Variants in FGFR4 observed in about 807,000 individuals in gnomAD.
FGFR4 encodes hydroxyaryl-protein kinase.
FGFR4 carries 63 observed loss-of-function variants against 89.9 expected under a neutral mutation model. That is an observed-to-expected ratio of 0.70 (90% CI 0.57 to 0.86). FGFR4 has a LOEUF of 0.86. Among genes scored for constraint, FGFR4 ranks in the 40% least tolerant of loss-of-function variants. FGFR4 has a pLI of 0.00. For missense variants in FGFR4, 928 were observed against 1,106.7 expected, an observed-to-expected ratio of 0.84 and a Z score of 2.29; for synonymous variants, 486 against 479.4, an observed-to-expected ratio of 1.01 and a Z score of -0.18.
rs1167356362 is a variant in FGFR4, at chr5:177,089,556, A to G, written c.-47A>G. The G allele has an allele frequency of 6.3e-7, 1 of 1,583,306 alleles. No individual in the cohort carries two copies. Among genetic ancestry groups the G allele is most frequent in the South Asian group, 1.1e-5 (1 of 88,736 alleles). ...TTTTCCCTCCCTATTTTAGGAAGGC[A>G]GTTGGTGGGAAGTCCAGCTTGGGTC... On this transcript the variant is annotated 5_prime_UTR_variant, in exon 2 of 18. Transcript: ENST00000292408.
In FGFR4 at chr5:177,097,715, C is replaced by T. The variant is rs1193147266; in HGVS notation, c.*39C>T. 2.5e-6 allele frequency: 4 copies of T among 1,597,008 alleles called. No individual in the cohort carries two copies. The highest frequency in any genetic ancestry group is 2.7e-5 in the African/African-American group (2 of 74,628). On this transcript the variant is annotated 3_prime_UTR_variant, in exon 18 of 18. Coordinates refer to ENST00000292408, the MANE Select transcript of FGFR4 (RefSeq NM_213647.3). ...CTGTGCAGGCACATAGGCTGGTGGC[C>T]TTGGGCCTTGGGGCTCAGCCACAGC...
rs751686488 is a variant in FGFR4, at chr5:177,095,362, G to A, written c.1552G>A (p.Val518Ile). The A allele has an allele frequency of 3.1e-6, 5 of 1,614,186 alleles. No individual in the cohort carries two copies. The highest frequency in any genetic ancestry group is 4.2e-6 in the Non-Finnish European group (5 of 1,180,026). The change falls in exon 12 of 18, where the codon GTC becomes ATC. Residue 518 changes from valine (V) to isoleucine (I), a missense_variant. Val to Ile is a conservative substitution (Grantham distance 29, BLOSUM62 3). Around this residue, in one of 5 missense-constraint regions of FGFR4, gnomAD observed 741 missense variants for 836.9 expected, o/e 0.89. Coordinates refer to ENST00000292408, the MANE Select transcript of FGFR4 (RefSeq NM_213647.3). The surrounding 1 kb of genome is among the most constrained non-coding windows in gnomAD (Gnocchi z 5.7). ...CTCTGACAAGGACCTGGCCGACCTG[G>A]TCTCGGAGATGGAGGTGATGAAGCT... ...NASDKDLADL[V>I]SEMEVMKLIG...
At position 177,087,569 on chromosome 5, in the gene FGFR4, G is replaced by A. The variant is rs1326716544; in HGVS notation, c.-54+492G>A. 1.0e-6 allele frequency: 1 copy of A among 985,468 alleles called. No homozygotes were observed. The allele number at this position is 985,468 out of a possible 1,614,324, so 61.0% of individuals were successfully genotyped here. On this transcript the variant is annotated intron_variant, in intron 1 of 17. Coordinates refer to ENST00000292408, the MANE Select transcript of FGFR4 (RefSeq NM_213647.3). The surrounding 1 kb of genome is among the most constrained non-coding windows in gnomAD (Gnocchi z 6.1). ...CAGGCCCTCCATTCCCACGTGGGGG[G>A]TGGTCGGTCAGCGGTCAGCAGCCAT...
chr5:177,096,680 C>T lies in FGFR4; in HGVS notation c.2092C>T (p.Leu698=), dbSNP rs745342988. 5.6e-6 allele frequency: 9 copies of T among 1,609,264 alleles called. No homozygotes were observed. Among genetic ancestry groups the T allele is most frequent in the Admixed American group, 3.4e-5 (2 of 59,504 alleles). Residue 698 remains leucine, a synonymous_variant, in exon 16 of 18, where the codon CTG becomes TTG. Transcript: ENST00000292408. ...SPYPGIPVEE[L]FSLLREGHRM... ...GTATCCTGGCATCCCGGTGGAGGAG[C>T]TGTTCTCGCTGCTGCGGGAGGGACA...
intron 17 of FGFR4, 33 bp downstream of exon 17, chr5:177,097,430 C>A: frequency 6.2e-7 from 1 of 1,605,116 alleles, no homozygotes. Flanking sequence ...CCTCCCTCTG[C>A]CTGCTCCCCT....
intron 5 of FGFR4, 60 bp from the exon 6 acceptor site, chr5:177,091,625 G>T (rs1271687130): frequency 1.2e-5 from 19 of 1,600,156 alleles, no homozygotes; most frequent in Non-Finnish European, 1.6e-5. Flanking sequence ...TAGCCTCCTG[G>T]TCCTCTGGCC....
Position 177,087,810 on chromosome 5 carries a change from C to A in FGFR4, c.-54+733C>A, listed in dbSNP as rs1450392069. On this transcript the variant is annotated intron_variant, in intron 1 of 17. Transcript: ENST00000292408. The surrounding 1 kb of genome is among the most constrained non-coding windows in gnomAD (Gnocchi z 6.1). ...AGTATCTGAGTCAGGTAGAGAAGAG[C>A]AATGAGGGGCACAGAGGGATGGGCA... 6.6e-6 allele frequency among the ~76,000 whole-genome samples: 1 copy of A among 152,072 alleles called. No individual in the cohort carries two copies. The highest frequency in any genetic ancestry group is 6.6e-5 in the Admixed American group (1 of 15,266).
rs368054584 is a variant in FGFR4 at position 177,095,317 on chromosome 5, G to A, written c.1520-13G>A. 113 of 1,612,038 alleles carry A rather than the reference G, an allele frequency of 7.0e-5. No homozygotes were observed. Among genetic ancestry groups the A allele is most frequent in the Non-Finnish European group, 8.9e-5 (105 of 1,178,232 alleles). ...GGAGGGCAGCCTCTTCACCCCGTCT[G>A]CTGCCCTTACAGACAACGCCTCTGA... On this transcript the variant is annotated splice_polypyrimidine_tract_variant and intron_variant, in intron 11 of 17. Transcript: ENST00000292408. The surrounding 1 kb of genome is among the most constrained non-coding windows in gnomAD (Gnocchi z 5.7).
In FGFR4 at chr5:177,093,672, C is replaced by G. The variant is rs1784451479; in HGVS notation, c.1416C>G (p.Pro472=). ...TCTCCAGGCTGGTGCTTGGGAAGCC[C>G]CTAGGCGAGGGCTGCTTTGGCCAGG... is the stretch of plus-strand genomic sequence containing the variant. ...FPRDRLVLGK[P]LGEGCFGQVV... The change falls in exon 11 of 18, where the codon CCC becomes CCG. Residue 472 remains proline (P), a synonymous_variant. Coordinates refer to ENST00000292408, the MANE Select transcript of FGFR4 (RefSeq NM_213647.3). The surrounding 1 kb of genome is among the most constrained non-coding windows in gnomAD (Gnocchi z 5.8). The G allele has an allele frequency of 2.5e-6, 4 of 1,614,088 alleles. No homozygotes were observed. Among genetic ancestry groups the G allele is most frequent in the Middle Eastern group, 1.6e-4 (1 of 6,084 alleles).
rs1475493430 is a variant in FGFR4, at chr5:177,087,880, T to A, written c.-54+803T>A. Among the ~76,000 whole-genome samples, 1 of 151,950 alleles carries A rather than the reference T, an allele frequency of 6.6e-6. No homozygotes were observed. On this transcript the variant is annotated intron_variant, in intron 1 of 17. Transcript: ENST00000292408. The surrounding 1 kb of genome is among the most constrained non-coding windows in gnomAD (Gnocchi z 6.1). The stretch of plus-strand genomic sequence containing the variant: ...TTTTGAAAGCCAATGGCTTCAGCGC[T>A]CCTGAAGGGGCAGACGGTGTGACCA...
At position 177,092,743 on chromosome 5, in the gene FGFR4, T is replaced by C. The variant is rs1381695911; in HGVS notation, c.1016T>C (p.Ile339Thr). The change falls in exon 8 of 18, where the codon ATC becomes ACC. Residue 339 changes from isoleucine to threonine, a missense_variant. This residue lies in a region of FGFR4 where 741 missense variants were observed against 836.9 expected (regional missense o/e 0.89). Transcript: ENST00000292408. Reference sequence around the variant, plus strand: ...TACACCTGCCTCGCAGGCAATTCCATCGGCCTCTCCTACCAGTCTGCCTGG... The same window carrying C: ...TACACCTGCCTCGCAGGCAATTCCACCGGCCTCTCCTACCAGTCTGCCTGG... Reference protein sequence around the residue: ...GEYTCLAGNSIGLSYQSAWLT... With the variant: ...GEYTCLAGNSTGLSYQSAWLT... 6.2e-7 allele frequency: 1 copy of C among 1,614,224 alleles called. No individual in the cohort carries two copies. The highest frequency in any genetic ancestry group is 1.7e-5 in the Admixed American group (1 of 60,034).
chr5:177,088,698 A>G (rs1487654290), intron 1 of FGFR4, among the ~76,000 whole-genome samples: 1 of 152,204 alleles, frequency 6.6e-6, no homozygotes, highest in Non-Finnish European at 1.5e-5. Context: ...GTGTGTGTAC[A>G]TCACAGCCTG....
rs2149741244 is a variant in FGFR4 at position 177,097,764 on chromosome 5, AGCATGGGGCCCCTGGC to A, written c.*89_*104del. On this transcript the variant is annotated 3_prime_UTR_variant, in exon 18 of 18. Transcript: ENST00000292408. The stretch of plus-strand genomic sequence containing the variant: ...GCCTGACACAGTGCTCGACCTTGAT[AGCATGGGGCCCCTGGC>A]CCAGAGTTGCTGTGCCGTGTCCAAG... 7 of 1,508,214 alleles carry A rather than the reference AGCATGGGGCCCCTGGC, an allele frequency of 4.6e-6. 1 individual carries two copies. In the Admixed American group the frequency reaches 1.3e-4, roughly 27 times the overall value. 93.4% of individuals were successfully genotyped at this position (1,508,214 alleles called of 1,614,324 possible). A position where few individuals can be genotyped will look rare whatever the true frequency, so the allele number is the denominator to read the frequency against.
At chr5:177,091,213 C>T (rs191438002) in intron 5 of FGFR4, 109 bp downstream of exon 5, 7 of 1,385,938 alleles carry the variant, frequency 5.1e-6, no homozygotes, top group South Asian at 3.0e-5. Context: ...GAAGCGATTG[C>T]GGGGCCCCGG....
In FGFR4 at chr5:177,089,953, C is replaced by T. The variant is rs117734148; in HGVS notation, c.91+260C>T. On this transcript the variant is annotated intron_variant, in intron 2 of 17. Transcript: ENST00000292408. ...TGCAGAGCTGGTGGTGAGCTCCTTA[C>T]CTGGGTGTGTGTGCGTGTGTGTGTG... 5.7e-4 allele frequency: 392 copies of T among 686,154 alleles called. 5 individuals are homozygous for T. In the East Asian group the frequency reaches 0.01, roughly 18 times the overall value. 42.5% of individuals were successfully genotyped at this position (686,154 alleles called of 1,614,324 possible).
chr5:177,096,131 G>T lies in FGFR4; in HGVS notation c.1896G>T (p.Gly632=). Reference sequence around the variant, plus strand: ...ATGTGATGAAGATTGCTGACTTTGGGCTGGCCCGCGGCGTCCACCACATTG... The same window carrying T: ...ATGTGATGAAGATTGCTGACTTTGGTCTGGCCCGCGGCGTCCACCACATTG... ...EDNVMKIADF[G]LARGVHHIDY... The change falls in exon 14 of 18, where the codon GGG becomes GGT. Residue 632 remains glycine (G), a synonymous_variant. Transcript: ENST00000292408. The T allele has an allele frequency of 1.2e-6, 2 of 1,614,124 alleles. No homozygotes were observed. The highest frequency in any genetic ancestry group is 1.7e-6 in the Non-Finnish European group (2 of 1,180,006).
rs1419152851 is a variant in FGFR4, at chr5:177,092,645, G to C, written c.919-1G>C. 6.2e-7 allele frequency: 1 copy of C among 1,602,626 alleles called. No individual in the cohort carries two copies. The highest frequency in any genetic ancestry group is 8.5e-7 in the Non-Finnish European group (1 of 1,171,072). ...ACCCCAGAGCATGTCCCCCACCCCAGACTGCAGACATCAATAGCTCAGAGG... is the reference window on the plus strand; with the variant it reads ...ACCCCAGAGCATGTCCCCCACCCCACACTGCAGACATCAATAGCTCAGAGG... On this transcript the variant is annotated splice_acceptor_variant, in intron 7 of 17. Coordinates refer to ENST00000292408, the MANE Select transcript of FGFR4 (RefSeq NM_213647.3). LOFTEE classifies it high-confidence loss of function.
chr5:177,097,874 G>A lies in FGFR4; in HGVS notation c.*198G>A, dbSNP rs1230224537. 3 of 581,288 alleles carry A rather than the reference G, an allele frequency of 5.2e-6. No individual in the cohort carries two copies. Among genetic ancestry groups the A allele is most frequent in the Non-Finnish European group, 8.3e-6 (3 of 360,750 alleles). 36.0% of individuals were successfully genotyped at this position (581,288 alleles called of 1,614,324 possible). A position where few individuals can be genotyped will look rare whatever the true frequency, so the allele number is the denominator to read the frequency against. On this transcript the variant is annotated 3_prime_UTR_variant, in exon 18 of 18. Transcript: ENST00000292408. ...GGCCCAAATGTCAGGGTTCTGCTCG[G>A]CTTCTTGGACCTTGGCGCTTAGTCC...
chr5:177,093,409 TC>T lies in FGFR4; in HGVS notation c.1258del (p.Leu420TrpfsTer31). 6.2e-7 allele frequency: 1 copy of T among 1,614,112 alleles called. No individual in the cohort carries two copies. Among genetic ancestry groups the T allele is most frequent in the Non-Finnish European group, 8.5e-7 (1 of 1,179,960 alleles). On this transcript the variant is annotated frameshift_variant, in exon 10 of 18. Coordinates refer to ENST00000292408, the MANE Select transcript of FGFR4 (RefSeq NM_213647.3). LOFTEE classifies it high-confidence loss of function. This position sits in a 1 kb window ranked among gnomAD's most constrained non-coding sequence, Gnocchi z 5.8. The stretch of plus-strand genomic sequence containing the variant: ...AACCAAGTCTCCCACTTTGCAGTTC[TC>T]CCTGGAGTCAGGCTCTTCCGGCAAG... ...LSRFPLARQFSLESGSSGKSS... is the reference protein window; with the variant it reads ...LSRFPLARQFXLESGSSGKSS...
Sources: allele counts gnomAD v4.1 joint callset (sites outside exome capture counted in the v4.1 genomes callset), GRCh38; gene constraint gnomAD v4.1.1; regional missense constraint gnomAD v4.1.1; non-coding constraint Gnocchi (gnomAD v3.1); transcripts MANE v1.5; gene names NCBI Gene and HGNC (gene_info 2026-07-23, HGNC 2026-07-21).